The following KIAA1549 variants were observed in gnomAD, a reference collection of about 807,000 sequenced individuals.
The protein encoded by KIAA1549 is UPF0606 protein KIAA1549.
KIAA1549 carries 70 observed loss-of-function variants against 156.4 expected under a neutral mutation model. The observed-to-expected ratio is 0.45, with a 90% CI of 0.37 to 0.55. KIAA1549 has a LOEUF of 0.55. KIAA1549 is among the 20% of genes least tolerant of loss of function. KIAA1549 has a pLI of 0.00. For synonymous variants in KIAA1549, 1,103 were observed against 1,066.4 expected, an observed-to-expected ratio of 1.03 and a Z score of -0.67; for missense variants, 2,428 against 2,540.9, an observed-to-expected ratio of 0.96 and a Z score of 0.96.
rs372239273 is a variant in KIAA1549, at chr7:138,860,863, A to G, written c.5247+276T>C. On this transcript the variant is annotated intron_variant, in intron 16 of 19. Transcript: ENST00000422774. ...GTTTTGAACCCAGGAAGATGCTTCC[A>G]TAAAATCCCCCTCCGTTCCTCCACA... Among the ~76,000 whole-genome samples, 49 of 152,088 alleles carry G rather than the reference A, an allele frequency of 3.2e-4. No individual in the cohort carries two copies. In the East Asian group the frequency reaches 4.4e-3, roughly 14 times the overall value.
intron 3 of KIAA1549, 28 bp downstream of exon 3, chr7:138,912,344 A>G (rs1812194076): frequency 6.3e-7 from 1 of 1,578,824 alleles, no homozygotes; most frequent in Non-Finnish European, 8.7e-7. Context: ...CTCACCAGAC[A>G]TCACACTCCT....
chr7:138,896,139 C>T (rs553562479), intron 9 of KIAA1549, among the ~76,000 whole-genome samples: 94 of 152,348 alleles, frequency 6.2e-4, no homozygotes, highest in Middle Eastern at 6.8e-3. Context: ...TACGCTTCTG[C>T]ACTCATTCAT....
At position 138,861,222 on chromosome 7, in the gene KIAA1549, T is replaced by C. The variant is rs1003295687; in HGVS notation, c.5164A>G (p.Ser1722Gly). Residue 1722 changes from serine (S) to glycine (G), a missense_variant, in exon 16 of 20, where the codon AGC (serine) becomes GGC (glycine). By Grantham distance (56) the Ser-to-Gly change is moderately conservative (BLOSUM62 0). Coordinates refer to ENST00000422774, the MANE Select transcript of KIAA1549 (RefSeq NM_001164665.2). ...PGVPPGLPAN[S>G]TPSQEERRAT... is the part of the protein sequence containing the mutation. ...CGCCTCTCTTCCTGGGAAGGGGTGCTGTTTGCGGGCAGGCCGGGTGGGACT... is the reference window on the plus strand; with the variant it reads ...CGCCTCTCTTCCTGGGAAGGGGTGCCGTTTGCGGGCAGGCCGGGTGGGACT... 1 of 1,613,456 alleles carries C rather than the reference T, an allele frequency of 6.2e-7. No homozygotes were observed. Among genetic ancestry groups the C allele is most frequent in the African/African-American group, 1.3e-5 (1 of 75,028 alleles).
At position 138,857,176 on chromosome 7, in the gene KIAA1549, A is replaced by G. The variant is rs143091712; in HGVS notation, c.5247+3963T>C. 3.5e-3 allele frequency among the ~76,000 whole-genome samples: 528 copies of G among 152,252 alleles called. 2 individuals carry two copies. The highest frequency in any genetic ancestry group is 0.012 in the African/African-American group (497 of 41,538). On this transcript the variant is annotated intron_variant, in intron 16 of 19. Transcript: ENST00000422774. ...TAATTACATGAGCCGACTCCTCATA[A>G]TAAGTAAATTTCTCTCCCCCTCACT...
At chr7:138,958,053 A>G (rs1195656362) in intron 1 of KIAA1549, among the ~76,000 whole-genome samples, 2 of 152,232 alleles carry the variant, frequency 1.3e-5, no homozygotes, top group East Asian at 1.9e-4. Context: ...TTCCTTTGAC[A>G]ACGTCTGTGA....
At position 138,919,080 on chromosome 7, in the gene KIAA1549, T is replaced by C. The variant is rs1226023210; in HGVS notation, c.546A>G (p.Pro182=). The C allele has an allele frequency of 6.2e-7, 1 of 1,613,930 alleles. No homozygotes were observed. The part of the protein sequence containing the change: ...VSPIQYITVS[P]PGLPREALEP... ...CTAATGCTTCCCTGGGCAGCCCTGG[T>C]GGGCTGACTGTGATATACTGTATTG... The change falls in exon 2 of 20, where the codon CCA becomes CCG. Residue 182 remains proline, a synonymous_variant. Coordinates refer to ENST00000422774, the MANE Select transcript of KIAA1549 (RefSeq NM_001164665.2).
rs1333509910 is a variant in KIAA1549 at position 138,981,284 on chromosome 7, C to T, written c.-15G>A. The T allele has an allele frequency of 4.1e-6, 4 of 968,164 alleles. No individual in the cohort carries two copies. Among genetic ancestry groups the T allele is most frequent in the Non-Finnish European group, 4.9e-6 (4 of 817,180 alleles). The allele number at this position is 968,164 out of a possible 1,614,324, so 60.0% of individuals were successfully genotyped here. A position where few individuals can be genotyped will look rare whatever the true frequency, so the allele number is the denominator to read the frequency against. On this transcript the variant is annotated 5_prime_UTR_variant, in exon 1 of 20. Transcript: ENST00000422774. The surrounding 1 kb of genome is among the most constrained non-coding windows in gnomAD (Gnocchi z 4.5). ...GCCCCCGGCATTCCCGGCCGGCGCC[C>T]CGGCCCGGCCTCGCGGCTCAGCGGC...
chr7:138,842,940 A>G (rs1256378315), intron 18 of KIAA1549, among the ~76,000 whole-genome samples: 1 of 152,100 alleles, frequency 6.6e-6, no homozygotes, highest in African/African-American at 2.4e-5. Flanking sequence ...TTGGCACGTC[A>G]TTTTCCCCCA....
intron 1 of KIAA1549, among the ~76,000 whole-genome samples, chr7:138,960,847 A>G (rs1298779767): frequency 1.3e-5 from 2 of 152,226 alleles, no homozygotes; most frequent in African/African-American, 2.4e-5. Flanking sequence ...GGATTTTCCA[A>G]AGAGATCAAA....
rs574221703 is a variant in KIAA1549 at position 138,871,290 on chromosome 7, G to A, written c.4418C>T (p.Ser1473Phe). 1 of 1,609,708 alleles carries A rather than the reference G, an allele frequency of 6.2e-7. No homozygotes were observed. The highest frequency in any genetic ancestry group is 1.1e-5 in the South Asian group (1 of 90,436). Reference sequence around the variant, plus strand: ...CCGCCGGCTAGCCTCCGGGGGGCGGGAGATCCTGTCCACGTGCTCGAAGAT... The same window carrying A: ...CCGCCGGCTAGCCTCCGGGGGGCGGAAGATCCTGTCCACGTGCTCGAAGAT... ...ASIFEHVDRI[S>F]RPPEASRRVP... Residue 1473 changes from serine to phenylalanine, a missense_variant, in exon 13 of 20, where the codon TCC becomes TTC. By Grantham distance (155) the Ser-to-Phe change is radical (BLOSUM62 -2). Transcript: ENST00000422774.
At chr7:138,895,033 C>A (rs1295018013) in intron 9 of KIAA1549, among the ~76,000 whole-genome samples, 1 of 152,128 alleles carries the variant, frequency 6.6e-6, no homozygotes, top group East Asian at 1.9e-4. Flanking sequence ...TGGAAGAAAA[C>A]CCTTCATCTC....
chr7:138,917,234 T>C lies in KIAA1549; in HGVS notation c.2392A>G (p.Ile798Val), dbSNP rs774888387. Residue 798 changes from isoleucine (I) to valine (V), a missense_variant, in exon 2 of 20, where the codon ATT (isoleucine) becomes GTT (valine). Physicochemically the swap from Ile to Val is conservative, Grantham distance 29 (BLOSUM62 3). This residue lies in a region of KIAA1549 where 762 missense variants were observed against 901.6 expected (regional missense o/e 0.85). Transcript: ENST00000422774. ...SPLTTVHTTPILTESSLFSTL... is the reference protein window; with the variant it reads ...SPLTTVHTTPVLTESSLFSTL... The stretch of plus-strand genomic sequence containing the variant: ...GAGAACAAAGAAGACTCAGTTAAAA[T>C]GGGCGTTGTGTGGACAGTGGTCAAT... 5.6e-6 allele frequency: 9 copies of C among 1,613,914 alleles called. No individual in the cohort carries two copies. Among genetic ancestry groups the C allele is most frequent in the Non-Finnish European group, 7.6e-6 (9 of 1,179,896 alleles).
At chr7:138,969,447 A>G (rs561280046) in intron 1 of KIAA1549, among the ~76,000 whole-genome samples, 14 of 152,330 alleles carry the variant, frequency 9.2e-5, no homozygotes, top group Admixed American at 7.8e-4. Flanking sequence ...TCCATGTTGT[A>G]GCATGTGTCA....
chr7:138,916,839 G>C lies in KIAA1549; in HGVS notation c.2787C>G (p.Leu929=), dbSNP rs542756290. The change falls in exon 2 of 20, where the codon CTC becomes CTG. Residue 929 remains leucine (L), a synonymous_variant. Coordinates refer to ENST00000422774, the MANE Select transcript of KIAA1549 (RefSeq NM_001164665.2). The part of the protein sequence containing the change: ...PSLRPVTAFT[L]EATVDTPTLA... The stretch of plus-strand genomic sequence containing the variant: ...GTGTTGGTGTGTCGACTGTTGCTTC[G>C]AGAGTGAAGGCAGTCACGGGACGCA... 6.2e-7 allele frequency: 1 copy of C among 1,613,826 alleles called. No individual in the cohort carries two copies. The highest frequency in any genetic ancestry group is 1.3e-5 in the African/African-American group (1 of 74,930).
At chr7:138,879,430 T>A (rs1393341442) in intron 12 of KIAA1549, 108 bp downstream of exon 12, 8 of 646,192 alleles carry the variant, frequency 1.2e-5, no homozygotes, top group African/African-American at 5.5e-5. Context: ...ATTTTCCATT[T>A]CCCAGATTTC....
chr7:138,870,798 A>G (rs1370937452), intron 13 of KIAA1549, among the ~76,000 whole-genome samples: 4 of 152,126 alleles, frequency 2.6e-5, no homozygotes, highest in Non-Finnish European at 5.9e-5. Flanking sequence ...CACAGACCCA[A>G]TAAGTGTGTG....
intron 15 of KIAA1549, 56 bp from the exon 16 acceptor site, chr7:138,861,512 A>G: frequency 7.1e-7 from 1 of 1,413,450 alleles, no homozygotes; most frequent in Non-Finnish European, 9.8e-7. Context: ...GGCAACCCTA[A>G]ACAGTTTTCC....
At chr7:138,872,913 G>T (rs565695837) in intron 12 of KIAA1549, among the ~76,000 whole-genome samples, 1 of 151,848 alleles carries the variant, frequency 6.6e-6, no homozygotes, top group Admixed American at 6.6e-5. Context: ...CCCAACCCCC[G>T]CCAAAAAAAG....
At chr7:138,944,360 C>G (rs1274429476) in intron 1 of KIAA1549, among the ~76,000 whole-genome samples, 1 of 152,126 alleles carries the variant, frequency 6.6e-6, no homozygotes, top group Non-Finnish European at 1.5e-5. Flanking sequence ...CAATAAAATA[C>G]CAATTCATAC....
Sources: gnomAD v4.1 joint callset for allele counts (sites outside exome capture counted in the v4.1 genomes callset) on GRCh38, gnomAD v4.1.1 for gene constraint, gnomAD v4.1.1 regional missense constraint, Gnocchi (gnomAD v3.1) non-coding constraint, MANE v1.5 for transcripts, NCBI Gene and HGNC (gene_info 2026-07-23, HGNC 2026-07-21) for gene names.